The following TMTC2 variants were observed in gnomAD, a reference collection of about 807,000 sequenced individuals.
TMTC2 encodes protein O-mannosyl-transferase TMTC2.
TMTC2 carries 43 observed loss-of-function variants against 82.4 expected under a neutral mutation model. The ratio of observed to expected loss-of-function variants is 0.52; its 90% CI spans 0.41 to 0.67. The LOEUF (loss-of-function observed/expected upper bound fraction) is 0.67. TMTC2 is among the 30% of genes least tolerant of loss of function. The pLI, the probability that TMTC2 is intolerant of heterozygous loss-of-function variation, is 0.00. For synonymous variants in TMTC2, 408 were observed against 381.9 expected (o/e 1.07, Z -0.80); for missense variants, 919 against 1,012.4 (o/e 0.91, Z 1.25).
chr12:83,039,164 C>G (rs1881794945), intron 9 of TMTC2, among the ~76,000 whole-genome samples: 1 of 152,186 alleles, frequency 6.6e-6, no homozygotes, highest in Admixed American at 6.5e-5. Flanking sequence ...AACTCCTGAC[C>G]TCAGGTGATC....
At chr12:83,067,822 T>C (rs1447146794) in intron 11 of TMTC2, among the ~76,000 whole-genome samples, 3 of 152,102 alleles carry the variant, frequency 2.0e-5, no homozygotes, top group Non-Finnish European at 4.4e-5. Context: ...CTAACTGTTG[T>C]ATTTGCATTT....
chr12:82,905,503 G>A lies in TMTC2; in HGVS notation c.1483+8857G>A, dbSNP rs145029910. ...TTAAGTGCTAAAGGTTGTTTTTAATGCCCATTTTTAATGTAAATATGTGAA... is the reference window on the plus strand; with the variant it reads ...TTAAGTGCTAAAGGTTGTTTTTAATACCCATTTTTAATGTAAATATGTGAA... On this transcript the variant is annotated intron_variant, in intron 3 of 11. Transcript: ENST00000321196. 2.3e-3 allele frequency among the ~76,000 whole-genome samples: 350 copies of A among 152,202 alleles called. 1 individual carries two copies. The highest frequency in any genetic ancestry group is 7.9e-3 in the African/African-American group (329 of 41,540).
At chr12:82,802,520 G>C (rs1879062295) in intron 1 of TMTC2, among the ~76,000 whole-genome samples, 1 of 152,190 alleles carries the variant, frequency 6.6e-6, no homozygotes, top group African/African-American at 2.4e-5. Flanking sequence ...CACTTCTACT[G>C]TAATAAGGGA....
intron 8 of TMTC2, among the ~76,000 whole-genome samples, chr12:83,012,212 G>C (rs1285237678): frequency 6.6e-6 from 1 of 152,180 alleles, no homozygotes; most frequent in East Asian, 1.9e-4. Context: ...ACCTTAAATA[G>C]CAGTAAGTAT....
At chr12:82,705,119 A>C (rs914154054) in intron 1 of TMTC2, among the ~76,000 whole-genome samples, 1 of 152,226 alleles carries the variant, frequency 6.6e-6, no homozygotes, top group Non-Finnish European at 1.5e-5. Flanking sequence ...GTTCTCACTC[A>C]TAAGTGGGAG....
Position 82,997,348 on chromosome 12 carries a change from GTATATATATATATA to G in TMTC2, c.2070+11306_2070+11319del, listed in dbSNP as rs370359828. The stretch of plus-strand genomic sequence containing the variant: ...TCTGTGTGTGTGTGTGTGTGTGTGT[GTATATATATATATA>G]TATGTGTATATATATATATGTGTAT... On this transcript the variant is annotated intron_variant, in intron 8 of 11. Transcript: ENST00000321196. 8.3e-3 allele frequency among the ~76,000 whole-genome samples: 179 copies of G among 21,610 alleles called. 4 individuals carry two copies. The highest frequency in any genetic ancestry group is 0.013 in the South Asian group (3 of 236). The allele number at this position is 21,610 out of a possible 152,430, so 14.2% of individuals were successfully genotyped here.
intron 1 of TMTC2, among the ~76,000 whole-genome samples, chr12:82,784,871 C>T (rs1417790023): frequency 2.0e-5 from 3 of 148,684 alleles, no homozygotes; most frequent in Non-Finnish European, 4.5e-5. Context: ...GATTTCCTTG[C>T]GTGTGTGTCT....
intron 4 of TMTC2, among the ~76,000 whole-genome samples, chr12:82,947,323 C>T (rs1877061054): frequency 5.2e-5 from 1 of 19,124 alleles, no homozygotes; most frequent in South Asian, 5.3e-3. Flanking sequence ...GAGCAGAGTG[C>T]AATTTTTTTT....
chr12:82,821,659 T>A (rs564899388), intron 1 of TMTC2, among the ~76,000 whole-genome samples: 7 of 152,162 alleles, frequency 4.6e-5, no homozygotes, highest in African/African-American at 1.4e-4. Flanking sequence ...GATCATGAGG[T>A]CAGGAGTTCA....
chr12:82,711,434 T>C (rs1873612859), intron 1 of TMTC2, among the ~76,000 whole-genome samples: 1 of 151,574 alleles, frequency 6.6e-6, no homozygotes, highest in Admixed American at 6.6e-5. Flanking sequence ...GGAAATATGT[T>C]GTTAAAAAAA....
chr12:83,109,092 A>G (rs950217193), intron 11 of TMTC2, among the ~76,000 whole-genome samples: 6 of 152,132 alleles, frequency 3.9e-5, no homozygotes, highest in African/African-American at 1.4e-4. Context: ...TCACCAGTGT[A>G]TTAGTTCCTT....
chr12:82,936,798 AT>A (rs959298922), intron 4 of TMTC2, among the ~76,000 whole-genome samples: 2 of 152,184 alleles, frequency 1.3e-5, no homozygotes, highest in African/African-American at 4.8e-5. Context: ...CATAGTGGTC[AT>A]TTCCATTAAT....
intron 1 of TMTC2, among the ~76,000 whole-genome samples, chr12:82,733,245 GAT>G (rs1300794478): frequency 6.6e-6 from 1 of 152,128 alleles, no homozygotes; most frequent in East Asian, 1.9e-4. Context: ...GTGAGGTGAG[GAT>G]ATTGTATGTG....
At position 82,710,534 on chromosome 12, in the gene TMTC2, T is replaced by G. The variant is rs1430557188; in HGVS notation, c.83+22865T>G. Among the ~76,000 whole-genome samples, 3 of 152,238 alleles carry G rather than the reference T, an allele frequency of 2.0e-5. No homozygotes were observed. In the East Asian group the frequency reaches 5.8e-4, roughly 29 times the overall value. On this transcript the variant is annotated intron_variant, in intron 1 of 11. Transcript: ENST00000321196. ...TCTCAGATAATTTCTAGTTACCTGT[T>G]GGATACTTACGTGAAGGTCTGAATA...
intron 8 of TMTC2, among the ~76,000 whole-genome samples, chr12:83,007,153 G>C (rs1299819987): frequency 6.6e-6 from 1 of 151,364 alleles, no homozygotes; most frequent in Non-Finnish European, 1.5e-5. Context: ...CAGTGTTGTT[G>C]TTATTTTTCT....
chr12:82,692,787 A>G (rs1235101526), intron 1 of TMTC2, among the ~76,000 whole-genome samples: 2 of 152,186 alleles, frequency 1.3e-5, no homozygotes, highest in East Asian at 3.8e-4. Flanking sequence ...TCTCCTCTAT[A>G]AATAGCTGTC....
At chr12:83,001,679 A>C (rs1462250167) in intron 8 of TMTC2, among the ~76,000 whole-genome samples, 1 of 151,000 alleles carries the variant, frequency 6.6e-6, no homozygotes, top group Non-Finnish European at 1.5e-5. Context: ...AATGTCTTCC[A>C]CCAGATACCC....
At chr12:82,937,869 A>C (rs1490381673) in intron 4 of TMTC2, among the ~76,000 whole-genome samples, 1 of 149,880 alleles carries the variant, frequency 6.7e-6, no homozygotes, top group African/African-American at 2.5e-5. Context: ...CAGCAATGAA[A>C]GAAAGATGTG....
At chr12:82,810,968 G>A (rs766652469) in intron 1 of TMTC2, among the ~76,000 whole-genome samples, 22 of 152,226 alleles carry the variant, frequency 1.4e-4, no homozygotes, top group Non-Finnish European at 2.4e-4. Context: ...GGTGGCTCAC[G>A]CCTGTAATCC....
Sources: gnomAD v4.1 joint callset for allele counts (sites outside exome capture counted in the v4.1 genomes callset) on GRCh38, gnomAD v4.1.1 for gene constraint, MANE v1.5 for transcripts, NCBI Gene and HGNC (gene_info 2026-07-23, HGNC 2026-07-21) for gene names.